Variants in SLC9A9 observed in about 807,000 individuals in gnomAD.
The protein encoded by SLC9A9 is sodium/hydrogen exchanger 9.
Under a neutral mutation model 77.8 loss-of-function variants are expected in SLC9A9, and 62 were observed. The observed-to-expected ratio is 0.80, with a 90% CI of 0.65 to 0.98. The LOEUF is 0.98. SLC9A9 is among the 50% of genes least tolerant of loss of function. The probability of loss-of-function intolerance (pLI) is 0.00; values close to 1 mark genes in which losing one functional copy is unlikely to be tolerated. For synonymous variants in SLC9A9, 320 were observed against 283.5 expected (o/e 1.13, Z -1.29); for missense variants, 775 against 774.9 (o/e 1.00, Z 0.00).
At chr3:143,700,895 T>C (rs1001009980) in intron 4 of SLC9A9, among the ~76,000 whole-genome samples, 4 of 152,202 alleles carry the variant, frequency 2.6e-5, no homozygotes, top group South Asian at 2.1e-4. Flanking sequence ...CACAGTTCCA[T>C]TGGTGGTGGC....
intron 12 of SLC9A9, among the ~76,000 whole-genome samples, chr3:143,454,537 C>G (rs572538024): frequency 7.2e-5 from 11 of 152,044 alleles, no homozygotes; most frequent in African/African-American, 1.9e-4. Context: ...TTTTGGCCTA[C>G]GGATATTGTA....
intron 14 of SLC9A9, among the ~76,000 whole-genome samples, chr3:143,311,764 G>C (rs2031027612): frequency 1.3e-5 from 2 of 152,182 alleles, no homozygotes; most frequent in African/African-American, 4.8e-5. Flanking sequence ...TGTTCTGAAT[G>C]TTCTTTTGTC....
intron 11 of SLC9A9, among the ~76,000 whole-genome samples, chr3:143,476,134 T>C (rs2035472998): frequency 6.6e-6 from 1 of 152,160 alleles, no homozygotes; most frequent in African/African-American, 2.4e-5. Context: ...TAAGCAAAAA[T>C]GCCAGTCTGA....
chr3:143,679,393 C>T (rs755896165), intron 5 of SLC9A9, among the ~76,000 whole-genome samples: 2 of 152,196 alleles, frequency 1.3e-5, no homozygotes, highest in Non-Finnish European at 2.9e-5. Context: ...AATGTTGCTT[C>T]TCCCTTAGGG....
intron 5 of SLC9A9, among the ~76,000 whole-genome samples, chr3:143,674,394 C>T (rs1208227245): frequency 1.3e-5 from 2 of 152,170 alleles, no homozygotes; most frequent in Non-Finnish European, 2.9e-5. Flanking sequence ...GAAGGCTCCT[C>T]TTGGGATTAG....
At chr3:143,758,642 G>A (rs561412613) in intron 4 of SLC9A9, among the ~76,000 whole-genome samples, 6 of 152,252 alleles carry the variant, frequency 3.9e-5, no homozygotes, top group South Asian at 4.1e-4. Flanking sequence ...AGGATAGTTA[G>A]AGATAGGTAA....
At chr3:143,373,557 T>C (rs1289380005) in intron 13 of SLC9A9, among the ~76,000 whole-genome samples, 1 of 136,240 alleles carries the variant, frequency 7.3e-6, no homozygotes, top group Non-Finnish European at 1.5e-5. Flanking sequence ...ACTATATAAT[T>C]CATCCGTGTA....
intron 14 of SLC9A9, among the ~76,000 whole-genome samples, chr3:143,294,789 C>T (rs1046619753): frequency 2.6e-5 from 4 of 152,216 alleles, no homozygotes; most frequent in Admixed American, 6.5e-5. Flanking sequence ...GGTCACACAG[C>T]TCAGGACTGG....
rs184532433 is a variant in SLC9A9, at chr3:143,577,393, A to G, written c.894+1192T>C. 1.2e-4 allele frequency among the ~76,000 whole-genome samples: 18 copies of G among 152,156 alleles called. No individual in the cohort carries two copies. The East Asian group carries it at 3.1e-3, about 26-fold the overall frequency. ...CACCGACTGCTCAGCCTTTGCCCCT[A>G]TTCTATCTTCCAGGCCATGCCCAAA... On this transcript the variant is annotated intron_variant, in intron 7 of 15. Coordinates refer to ENST00000316549, the MANE Select transcript of SLC9A9 (RefSeq NM_173653.4).
chr3:143,779,210 A>G (rs2007792963), intron 4 of SLC9A9, among the ~76,000 whole-genome samples: 1 of 152,226 alleles, frequency 6.6e-6, no homozygotes, highest in Non-Finnish European at 1.5e-5. Context: ...GATTAATAGG[A>G]CAGTCAGTTT....
At chr3:143,437,266 C>T (rs904282611) in intron 12 of SLC9A9, among the ~76,000 whole-genome samples, 3 of 152,342 alleles carry the variant, frequency 2.0e-5, no homozygotes, top group Admixed American at 2.0e-4. Context: ...TACAGTGCTC[C>T]TATGGCAAAT....
At chr3:143,789,249 T>G (rs2008148162) in intron 4 of SLC9A9, among the ~76,000 whole-genome samples, 1 of 152,148 alleles carries the variant, frequency 6.6e-6, no homozygotes, top group Admixed American at 6.5e-5. Flanking sequence ...TAGAGAAACC[T>G]TTAGTTCTAG....
intron 5 of SLC9A9, among the ~76,000 whole-genome samples, chr3:143,664,281 G>T (rs528496718): frequency 1.1e-4 from 16 of 152,296 alleles, no homozygotes; most frequent in African/African-American, 3.6e-4. Context: ...AGCAAATGCT[G>T]AGAGGTTTTG....
intron 6 of SLC9A9, among the ~76,000 whole-genome samples, chr3:143,621,220 T>C: frequency 6.6e-6 from 1 of 152,158 alleles, no homozygotes; most frequent in Non-Finnish European, 1.5e-5. Context: ...GGCAGCAGAA[T>C]CCTCTGCAGA....
intron 14 of SLC9A9, among the ~76,000 whole-genome samples, chr3:143,318,578 C>T (rs1405625500): frequency 6.6e-6 from 1 of 152,148 alleles, no homozygotes; most frequent in East Asian, 1.9e-4. Flanking sequence ...CATGAAGTGG[C>T]CCAAATAAGA....
rs140964854 is a variant in SLC9A9 at position 143,363,559 on chromosome 3, G to A, written c.1529C>T (p.Ala510Val). Reference protein sequence around the residue: ...KEDPSSQHQEANNLDKNMTKA... With the variant: ...KEDPSSQHQEVNNLDKNMTKA... Reference sequence around the variant, plus strand: ...CGTCATGTTTTTATCCAAGTTATTTGCTTCCTGGGGAGAAACAATAGAAAA... The same window carrying A: ...CGTCATGTTTTTATCCAAGTTATTTACTTCCTGGGGAGAAACAATAGAAAA... The change falls in exon 14 of 16, where the codon GCA becomes GTA. Residue 510 changes from alanine to valine, a missense_variant. Coordinates refer to ENST00000316549, the MANE Select transcript of SLC9A9 (RefSeq NM_173653.4). 6.2e-5 allele frequency: 100 copies of A among 1,612,384 alleles called. No individual in the cohort carries two copies. The African/African-American group carries it at 1.2e-3, about 20-fold the overall frequency.
At chr3:143,390,516 A>T (rs570270128) in intron 12 of SLC9A9, among the ~76,000 whole-genome samples, 6 of 152,216 alleles carry the variant, frequency 3.9e-5, no homozygotes, top group Non-Finnish European at 8.8e-5. Flanking sequence ...TACAGCTCCC[A>T]GCATGAGCAA....
chr3:143,436,851 G>T (rs757514384), intron 12 of SLC9A9, among the ~76,000 whole-genome samples: 2 of 152,208 alleles, frequency 1.3e-5, no homozygotes, highest in Non-Finnish European at 2.9e-5. Context: ...CCTAGGTGGG[G>T]TCTTCCTGAA....
chr3:143,762,489 T>C (rs2108833358), intron 4 of SLC9A9, among the ~76,000 whole-genome samples: 1 of 152,276 alleles, frequency 6.6e-6, no homozygotes, highest in South Asian at 2.1e-4. Context: ...AAATAGCCCC[T>C]GATGGAAGAT....
Sources: gnomAD v4.1 joint callset for allele counts (sites outside exome capture counted in the v4.1 genomes callset) on GRCh38, gnomAD v4.1.1 for gene constraint, MANE v1.5 for transcripts, NCBI Gene and HGNC (gene_info 2026-07-23, HGNC 2026-07-21) for gene names.